MITF: variants seen among roughly 807,000 people sequenced by gnomAD.
MITF encodes the protein microphthalmia-associated transcription factor.
In MITF, 17 loss-of-function variants were observed where a neutral mutation model predicts 60.5. The observed-to-expected ratio is 0.28, with a 90% CI of 0.19 to 0.42. MITF has a LOEUF of 0.42. Ranked by LOEUF, MITF falls within the 10% of genes least tolerant of loss-of-function variation. The probability of loss-of-function intolerance (pLI) is 1.00; values close to 1 mark genes in which losing one functional copy is unlikely to be tolerated. For missense variants in MITF, 622 were observed against 683.5 expected, an observed-to-expected ratio of 0.91 and a Z score of 1.00; for synonymous variants, 260 against 248.5, an observed-to-expected ratio of 1.05 and a Z score of -0.43.
At chr3:69,937,693 A>T in intron 2 of MITF, 129 bp from the exon 3 acceptor site, 1 of 784,726 alleles carries the variant, frequency 1.3e-6, no homozygotes. Flanking sequence ...AGTGCCTGGT[A>T]CATAACAAAG....
At chr3:69,743,191 T>C (rs1292902273) in intron 1 of MITF, among the ~76,000 whole-genome samples, 1 of 152,168 alleles carries the variant, frequency 6.6e-6, no homozygotes, top group Non-Finnish European at 1.5e-5. Context: ...CCTGCCTCTA[T>C]CAATTATGGC....
At chr3:69,958,618 A>G (rs1044721836) in intron 8 of MITF, among the ~76,000 whole-genome samples, 2 of 152,108 alleles carry the variant, frequency 1.3e-5, no homozygotes, top group Non-Finnish European at 2.9e-5. Context: ...GCCATAAACA[A>G]TTTAGTAGTG....
rs183322234 is a variant in MITF at position 69,763,612 on chromosome 3, G to A, written c.104+23911G>A. ...CACGTAAGCGTGTGGCAGAACGTCTGCAATCGCATCTTTGTAATAATCTCC... is the reference window on the plus strand; with the variant it reads ...CACGTAAGCGTGTGGCAGAACGTCTACAATCGCATCTTTGTAATAATCTCC... On this transcript the variant is annotated intron_variant, in intron 1 of 9. Coordinates refer to ENST00000352241, the MANE Select transcript of MITF (RefSeq NM_001354604.2). The A allele has an allele frequency of 3.2e-5, 39 of 1,214,964 alleles. No homozygotes were observed. The East Asian group carries it at 1.4e-3, about 44-fold the overall frequency. 75.3% of individuals were successfully genotyped at this position (1,214,964 alleles called of 1,614,324 possible). A position where few individuals can be genotyped will look rare whatever the true frequency, so the allele number is the denominator to read the frequency against.
At chr3:69,916,410 C>T (rs568842697) in intron 2 of MITF, among the ~76,000 whole-genome samples, 2 of 152,094 alleles carry the variant, frequency 1.3e-5, no homozygotes, top group African/African-American at 4.8e-5. Flanking sequence ...ATCTTATCAA[C>T]CCTTGAGTCT....
rs10604038 is a variant in MITF, at chr3:69,950,448, TTATATATATATATA to T, written c.880+1296_880+1309del. Among the ~76,000 whole-genome samples the T allele has an allele frequency of 3.1e-5, 4 of 130,786 alleles. No homozygotes were observed. The East Asian group carries it at 6.8e-4, about 22-fold the overall frequency. The allele number at this position is 130,786 out of a possible 152,430, so 85.8% of individuals were successfully genotyped here. A position where few individuals can be genotyped will look rare whatever the true frequency, so the allele number is the denominator to read the frequency against. On this transcript the variant is annotated intron_variant, in intron 6 of 9. Transcript: ENST00000352241. ...CAACTGAAAGAATTCAACTTCTGAG[TTATATATATATATA>T]TATATATATATATATGCACACACAT... is the stretch of plus-strand genomic sequence containing the variant.
chr3:69,778,106 AG>A (rs1280385035), intron 1 of MITF, among the ~76,000 whole-genome samples: 1 of 152,086 alleles, frequency 6.6e-6, no homozygotes, highest in Non-Finnish European at 1.5e-5. Flanking sequence ...GGAGAATCGT[AG>A]GGTGGGTGAT....
chr3:69,905,732 C>T (rs1005583920), intron 2 of MITF, among the ~76,000 whole-genome samples: 1 of 151,670 alleles, frequency 6.6e-6, no homozygotes, highest in East Asian at 1.9e-4. Context: ...TTTAAATTTG[C>T]ATTTCCCTAA....
At chr3:69,823,437 C>T (rs1214254885) in intron 1 of MITF, among the ~76,000 whole-genome samples, 1 of 152,130 alleles carries the variant, frequency 6.6e-6, no homozygotes, top group African/African-American at 2.4e-5. Flanking sequence ...TGCTTTCTCA[C>T]TGTATCCCCA....
At chr3:69,878,082 G>A (rs2064395896) in intron 1 of MITF, among the ~76,000 whole-genome samples, 4 of 152,238 alleles carry the variant, frequency 2.6e-5, no homozygotes, top group African/African-American at 7.2e-5. Context: ...TTGTACTAGG[G>A]CATTTATGTG....
At chr3:69,953,350 A>T (rs2066304041) in intron 7 of MITF, among the ~76,000 whole-genome samples, 2 of 152,144 alleles carry the variant, frequency 1.3e-5, no homozygotes, top group Non-Finnish European at 2.9e-5. Flanking sequence ...TGAACTCTCA[A>T]GGTCAAGGTT....
intron 7 of MITF, among the ~76,000 whole-genome samples, chr3:69,953,586 T>C (rs1469410934): frequency 1.3e-5 from 2 of 150,008 alleles, no homozygotes; most frequent in South Asian, 2.1e-4. Context: ...TGTGTATGTG[T>C]GTATATATAT....
chr3:69,937,733 G>A, intron 2 of MITF, 89 bp from the exon 3 acceptor site: 1 of 1,041,266 alleles, frequency 9.6e-7, no homozygotes, highest in African/African-American at 1.6e-5. Context: ...TGGTGGCCTG[G>A]TCAGTTTCAT....
intron 5 of MITF, 68 bp downstream of exon 5, chr3:69,941,399 A>G (rs1293801121): frequency 2.1e-6 from 2 of 965,036 alleles, no homozygotes; most frequent in Non-Finnish European, 3.2e-6. Flanking sequence ...TTTTTCTTAA[A>G]CTTTTATTTT....
At chr3:69,745,608 G>A (rs968232543) in intron 1 of MITF, among the ~76,000 whole-genome samples, 6 of 152,210 alleles carry the variant, frequency 3.9e-5, no homozygotes, top group Non-Finnish European at 8.8e-5. Context: ...TAGGGTTTCC[G>A]TTTGCCTTTT....
intron 1 of MITF, among the ~76,000 whole-genome samples, chr3:69,839,198 G>A (rs1454746648): frequency 6.6e-6 from 1 of 150,716 alleles, no homozygotes; most frequent in Non-Finnish European, 1.5e-5. Context: ...ATTAGAATAA[G>A]TGGCTGGGTT....
intron 1 of MITF, among the ~76,000 whole-genome samples, chr3:69,760,196 C>T (rs1437635034): frequency 1.3e-5 from 2 of 152,276 alleles, no homozygotes; most frequent in South Asian, 4.1e-4. Context: ...GATTTTTAAT[C>T]ATTCTTTAAT....
intron 1 of MITF, among the ~76,000 whole-genome samples, chr3:69,867,854 G>A (rs1429336579): frequency 6.6e-6 from 1 of 152,074 alleles, no homozygotes; most frequent in Non-Finnish European, 1.5e-5. Flanking sequence ...AATACTTGTC[G>A]TAAGAGCATG....
intron 1 of MITF, among the ~76,000 whole-genome samples, chr3:69,817,599 G>C (rs1214150366): frequency 1.3e-5 from 2 of 151,978 alleles, no homozygotes; most frequent in Non-Finnish European, 2.9e-5. Context: ...AAAAGAGATG[G>C]GAGGGAGAGC....
chr3:69,847,320 G>A (rs974334534), intron 1 of MITF, among the ~76,000 whole-genome samples: 48 of 152,192 alleles, frequency 3.2e-4, no homozygotes, highest in African/African-American at 1.1e-3. Context: ...CAGTGTTGGA[G>A]TCATGCTGGA....
Sources: gnomAD v4.1 joint callset for allele counts (sites outside exome capture counted in the v4.1 genomes callset) on GRCh38, gnomAD v4.1.1 for gene constraint, MANE v1.5 for transcripts, NCBI Gene and HGNC (gene_info 2026-07-23, HGNC 2026-07-21) for gene names.